Variants in XKR9 observed in about 807,000 individuals in gnomAD.
The protein encoded by XKR9 is XK related 9, also known as XK-related protein 9.
XKR9 carries 32 observed loss-of-function variants against 32.0 expected under a neutral mutation model. The ratio of observed to expected loss-of-function variants is 1.00; its 90% CI spans 0.76 to 1.34. The LOEUF is 1.34. Among genes scored for constraint, XKR9 ranks in the 40% most tolerant of loss-of-function variants. The pLI, the probability that XKR9 is intolerant of heterozygous loss-of-function variation, is 0.00. For missense variants in XKR9, 546 were observed against 429.7 expected (o/e 1.27, Z -2.39); for synonymous variants, 168 against 143.4 (o/e 1.17, Z -1.22).
intron 3 of XKR9, among the ~76,000 whole-genome samples, chr8:70,705,416 T>C (rs1805686463): frequency 6.6e-6 from 1 of 152,334 alleles, no homozygotes; most frequent in South Asian, 2.1e-4. Context: ...TAGAGAGTAC[T>C]ACTTTAGGTG....
chr8:70,950,277 G>A, the XKR9 span, among the ~76,000 whole-genome samples: 1 of 152,182 alleles, frequency 6.6e-6, no homozygotes, highest in Non-Finnish European at 1.5e-5. Context: ...AATGACAAAT[G>A]TAGCCAGAAG....
At chr8:70,996,188 T>C in the XKR9 span, among the ~76,000 whole-genome samples, 4 of 152,250 alleles carry the variant, frequency 2.6e-5, no homozygotes, top group Non-Finnish European at 5.9e-5. Context: ...TGCAGAACAG[T>C]ACCTAGAAAT....
the XKR9 span, among the ~76,000 whole-genome samples, chr8:70,935,124 C>T: frequency 4.6e-5 from 6 of 130,422 alleles, no homozygotes; most frequent in African/African-American, 1.2e-4. Flanking sequence ...TATATATACA[C>T]ACACACACAT....
chr8:70,738,183 C>G (rs1490770821), downstream of XKR9, among the ~76,000 whole-genome samples: 1 of 135,098 alleles, frequency 7.4e-6, no homozygotes, highest in East Asian at 1.9e-4. Flanking sequence ...CAACTTCTTC[C>G]TGGGTTAGTG....
intron 4 of XKR9, among the ~76,000 whole-genome samples, chr8:70,720,557 C>G (rs1806245157): frequency 6.6e-6 from 1 of 152,084 alleles, no homozygotes; most frequent in African/African-American, 2.4e-5. Context: ...TTGAGATAAT[C>G]ATATGGTTTT....
intron 4 of XKR9, among the ~76,000 whole-genome samples, chr8:70,710,762 CA>C (rs367840561): frequency 0.022 from 3,327 of 150,148 alleles, 137 homozygotes; most frequent in African/African-American, 0.076. Context: ...GCAATTGCAA[CA>C]AAAAAAAAGT....
the XKR9 span, among the ~76,000 whole-genome samples, chr8:70,971,612 T>C: frequency 6.6e-6 from 1 of 152,218 alleles, no homozygotes; most frequent in Non-Finnish European, 1.5e-5. Flanking sequence ...TTTAAGTCTT[T>C]GATCCATTTT....
intron 2 of XKR9, among the ~76,000 whole-genome samples, chr8:70,782,261 TTTTA>T (rs1192965398): frequency 1.3e-5 from 2 of 152,196 alleles, no homozygotes; most frequent in Admixed American, 6.6e-5. Context: ...TGCATTTTAT[TTTTA>T]TTTTTTATTG....
intron 1 of XKR9, among the ~76,000 whole-genome samples, chr8:70,671,130 C>T (rs1278393917): frequency 1.3e-5 from 2 of 152,230 alleles, no homozygotes; most frequent in Admixed American, 1.3e-4. Context: ...CTCTTGAACT[C>T]AAGCGATTCA....
chr8:70,919,083 G>A, the XKR9 span, among the ~76,000 whole-genome samples: 3 of 152,040 alleles, frequency 2.0e-5, no homozygotes, highest in African/African-American at 7.2e-5. Flanking sequence ...GGCCGATCAT[G>A]GGATCTTTAC....
At chr8:70,739,843 G>C (rs1317707273), downstream of XKR9, among the ~76,000 whole-genome samples, 2 of 152,156 alleles carry the variant, frequency 1.3e-5, no homozygotes, top group Non-Finnish European at 2.9e-5. Flanking sequence ...ATCCGCCGTT[G>C]GTCTGATGGG....
chr8:70,890,565 T>C, the XKR9 span, among the ~76,000 whole-genome samples: 1 of 152,018 alleles, frequency 6.6e-6, no homozygotes, highest in African/African-American at 2.4e-5. Context: ...GATGATCATG[T>C]GATTTTTGTC....
At chr8:70,694,652 G>C (rs181156235) in intron 3 of XKR9, among the ~76,000 whole-genome samples, 2 of 152,190 alleles carry the variant, frequency 1.3e-5, no homozygotes, top group African/African-American at 4.8e-5. Flanking sequence ...ATGGCAGCCC[G>C]CCCCTCCTCC....
chr8:70,829,291 A>G, the XKR9 span, among the ~76,000 whole-genome samples: 1 of 133,386 alleles, frequency 7.5e-6, no homozygotes, highest in African/African-American at 2.7e-5. Context: ...AGTAAGTTAA[A>G]ACAATGAACA....
At chr8:70,789,242 T>G (rs1277559466) in intron 2 of XKR9, 1 of 152,066 alleles carries the variant, frequency 6.6e-6, no homozygotes, top group Non-Finnish European at 1.5e-5. Flanking sequence ...TTTTAAAAAT[T>G]TAATTCAATT....
chr8:71,035,783 T>G, the XKR9 span, among the ~76,000 whole-genome samples: 1 of 152,156 alleles, frequency 6.6e-6, no homozygotes, highest in Non-Finnish European at 1.5e-5. Context: ...CAGGAAGATC[T>G]CTCTGACCTT....
chr8:70,871,762 C>T, the XKR9 span, among the ~76,000 whole-genome samples: 1 of 152,132 alleles, frequency 6.6e-6, no homozygotes, highest in Non-Finnish European at 1.5e-5. Context: ...ATTTGCATGT[C>T]TCTCATTTTA....
At chr8:70,971,132 C>G in the XKR9 span, among the ~76,000 whole-genome samples, 3 of 152,078 alleles carry the variant, frequency 2.0e-5, no homozygotes, top group Non-Finnish European at 4.4e-5. Flanking sequence ...ATGCCAACAC[C>G]TACTATTTTT....
the XKR9 span, among the ~76,000 whole-genome samples, chr8:70,844,406 T>A: frequency 5.9e-5 from 9 of 152,296 alleles, no homozygotes; most frequent in Middle Eastern, 3.4e-3. Flanking sequence ...GAGAACTGCC[T>A]GTGTGTGGCT....
Sources: allele counts gnomAD v4.1 joint callset (sites outside exome capture counted in the v4.1 genomes callset), GRCh38; gene constraint gnomAD v4.1.1; transcripts MANE v1.5; gene names NCBI Gene and HGNC (gene_info 2026-07-23, HGNC 2026-07-21).